Variants in PTPRD observed in about 807,000 individuals in gnomAD.
PTPRD encodes the protein receptor-type tyrosine-protein phosphatase delta.
PTPRD carries 34 observed loss-of-function variants against 214.5 expected under a neutral mutation model. The ratio of observed to expected loss-of-function variants is 0.16; its 90% CI spans 0.12 to 0.21. The LOEUF (loss-of-function observed/expected upper bound fraction) is 0.21, where lower values mean the gene tolerates loss of function less well. Among genes scored for constraint, PTPRD ranks in the 10% least tolerant of loss-of-function variants. The pLI, the probability that PTPRD is intolerant of heterozygous loss-of-function variation, is 1.00. For synonymous variants in PTPRD, 1,128 were observed against 845.7 expected, an observed-to-expected ratio of 1.33 and a Z score of -5.79; for missense variants, 2,545 against 2,398.7, an observed-to-expected ratio of 1.06 and a Z score of -1.27.
chr9:10,474,913 A>G (rs2099053233), intron 2 of PTPRD, among the ~76,000 whole-genome samples: 2 of 152,166 alleles, frequency 1.3e-5, no homozygotes, highest in Admixed American at 1.3e-4. Flanking sequence ...TAAGACAGAA[A>G]TAATGAAATT....
intron 2 of PTPRD, among the ~76,000 whole-genome samples, chr9:10,365,907 C>A (rs2097506164): frequency 6.6e-6 from 1 of 152,150 alleles, no homozygotes; most frequent in African/African-American, 2.4e-5. Context: ...TTAATAGTTT[C>A]ATAAATCCCC....
chr9:8,772,416 A>C (rs1377150656), intron 11 of PTPRD, among the ~76,000 whole-genome samples: 1 of 151,618 alleles, frequency 6.6e-6, no homozygotes, highest in Non-Finnish European at 1.5e-5. Flanking sequence ...TAAAAACCTC[A>C]AGCAGAAGAA....
At chr9:9,288,331 C>A (rs1051103379) in intron 9 of PTPRD, among the ~76,000 whole-genome samples, 1 of 151,720 alleles carries the variant, frequency 6.6e-6, no homozygotes, top group Non-Finnish European at 1.5e-5. Flanking sequence ...AATCACTCTA[C>A]CCTCCTCTAC....
chr9:10,115,726 G>C (rs2098725623), intron 3 of PTPRD, among the ~76,000 whole-genome samples: 1 of 151,984 alleles, frequency 6.6e-6, no homozygotes, highest in Non-Finnish European at 1.5e-5. Flanking sequence ...AACTAAAATA[G>C]TTTAGTCTTG....
chr9:10,508,253 C>G (rs987374738), intron 2 of PTPRD, among the ~76,000 whole-genome samples: 1 of 152,138 alleles, frequency 6.6e-6, no homozygotes, highest in South Asian at 2.1e-4. Flanking sequence ...GAGATACCAT[C>G]TCACACCAGT....
chr9:10,089,210 TAA>T (rs1462833823), intron 3 of PTPRD, among the ~76,000 whole-genome samples: 3 of 147,158 alleles, frequency 2.0e-5, no homozygotes, highest in African/African-American at 7.7e-5. Context: ...AGTCTCAAAA[TAA>T]ATAAATAAAT....
intron 8 of PTPRD, among the ~76,000 whole-genome samples, chr9:9,403,192 G>A (rs888126627): frequency 2.1e-5 from 3 of 145,756 alleles, no homozygotes; most frequent in African/African-American, 5.0e-5. Flanking sequence ...TTGGGTGGCT[G>A]AGGCAGGAGA....
chr9:9,928,760 A>T, intron 5 of PTPRD, among the ~76,000 whole-genome samples: 1 of 148,248 alleles, frequency 6.7e-6, no homozygotes, highest in East Asian at 2.0e-4. Context: ...CTCTCTATAC[A>T]CACACACACA....
chr9:10,089,591 G>C (rs35443647), intron 3 of PTPRD, among the ~76,000 whole-genome samples: 4 of 151,602 alleles, frequency 2.6e-5, no homozygotes, highest in East Asian at 3.9e-4. Context: ...CATGATCTAG[G>C]TGATTAAGTA....
intron 2 of PTPRD, among the ~76,000 whole-genome samples, chr9:10,504,115 CA>C (rs71332747): frequency 0.043 from 1,144 of 26,856 alleles, 13 homozygotes; most frequent in African/African-American, 0.17. Flanking sequence ...GACTCTGTCT[CA>C]AAAAAAAAAA....
chr9:8,900,096 C>T lies in PTPRD; in HGVS notation c.-104+118601G>A, dbSNP rs919302627. On this transcript the variant is annotated intron_variant, in intron 11 of 45. Coordinates refer to ENST00000381196, the MANE Select transcript of PTPRD (RefSeq NM_002839.4). ...CTGAGTAATGGACTATTCTATTCAACGACTGTTGGTCATTTTTAAGGCCGT... is the reference window on the plus strand; with the variant it reads ...CTGAGTAATGGACTATTCTATTCAATGACTGTTGGTCATTTTTAAGGCCGT... Among the ~76,000 whole-genome samples the T allele has an allele frequency of 1.6e-4, 25 of 152,182 alleles. No homozygotes were observed. In the Middle Eastern group the frequency reaches 0.01, roughly 62 times the overall value.
At chr9:10,126,945 AC>A in intron 3 of PTPRD, among the ~76,000 whole-genome samples, 1 of 104,848 alleles carries the variant, frequency 9.5e-6, no homozygotes, top group East Asian at 2.2e-4. Context: ...TCTCAAATGG[AC>A]TTTTTTTTTT....
chr9:9,233,031 C>G (rs73641269), intron 9 of PTPRD, among the ~76,000 whole-genome samples: 38 of 152,164 alleles, frequency 2.5e-4, no homozygotes, highest in African/African-American at 8.7e-4. Context: ...ACCCTTATAC[C>G]AGAAGGGGCC....
chr9:10,111,275 G>C (rs915790582), intron 3 of PTPRD, among the ~76,000 whole-genome samples: 1 of 105,926 alleles, frequency 9.4e-6, no homozygotes, highest in African/African-American at 3.8e-5. Context: ...GTCTCGCTCT[G>C]TCGCCCAGGC....
At chr9:9,148,921 T>C (rs139414877) in intron 10 of PTPRD, among the ~76,000 whole-genome samples, 22 of 152,296 alleles carry the variant, frequency 1.4e-4, no homozygotes, top group Non-Finnish European at 2.5e-4. Context: ...CAAATAAAGA[T>C]TGTAACTGAG....
intron 12 of PTPRD, among the ~76,000 whole-genome samples, chr9:8,683,313 G>A (rs1211883072): frequency 1.3e-5 from 2 of 150,740 alleles, no homozygotes; most frequent in South Asian, 4.2e-4. Context: ...GACCCTAAAA[G>A]TTAAGCTTCT....
intron 5 of PTPRD, among the ~76,000 whole-genome samples, chr9:9,822,379 C>T (rs752788542): frequency 1.4e-4 from 21 of 150,472 alleles, no homozygotes; most frequent in Non-Finnish European, 2.5e-4. Context: ...CCACTGCATT[C>T]CAGCCTGGTG....
chr9:9,676,388 G>C (rs1296642666), intron 7 of PTPRD, among the ~76,000 whole-genome samples: 1 of 149,714 alleles, frequency 6.7e-6, no homozygotes, highest in Non-Finnish European at 1.5e-5. Context: ...TTGGTTTTTT[G>C]TCCTTGTGAT....
chr9:8,708,183 C>A (rs1253714146), intron 12 of PTPRD, among the ~76,000 whole-genome samples: 1 of 152,114 alleles, frequency 6.6e-6, no homozygotes. Flanking sequence ...TATACCATGT[C>A]TCAGCCAATG....
Sources: gnomAD v4.1 joint callset for allele counts (sites outside exome capture counted in the v4.1 genomes callset) on GRCh38, gnomAD v4.1.1 for gene constraint, MANE v1.5 for transcripts, NCBI Gene and HGNC (gene_info 2026-07-23, HGNC 2026-07-21) for gene names.